The following FHIP1A variants were observed in gnomAD, a reference collection of about 807,000 sequenced individuals.
FHIP1A encodes FHF complex subunit HOOK-interacting protein 1A.
FHIP1A carries 61 observed loss-of-function variants against 88.6 expected under a neutral mutation model. The ratio of observed to expected loss-of-function variants is 0.69; its 90% confidence interval spans 0.56 to 0.85. The LOEUF (loss-of-function observed/expected upper bound fraction) is 0.85, where lower values mean the gene tolerates loss of function less well. Ranked by LOEUF, FHIP1A falls within the 40% of genes least tolerant of loss-of-function variation. The pLI, the probability that FHIP1A is intolerant of heterozygous loss-of-function variation, is 0.00. For missense variants in FHIP1A, 1,154 were observed against 1,273.5 expected, an observed-to-expected ratio of 0.91 and a Z score of 1.43; for synonymous variants, 478 against 496.0, an observed-to-expected ratio of 0.96 and a Z score of 0.48.
chr4:151,572,738 A>C (rs115892694), intron 4 of FHIP1A, among the ~76,000 whole-genome samples: 257 of 152,358 alleles, frequency 1.7e-3, no homozygotes, highest in African/African-American at 5.9e-3. Context: ...GGTTTTACAC[A>C]TATGACTTTC....
At chr4:151,604,747 G>T (rs1735005978) in intron 7 of FHIP1A, among the ~76,000 whole-genome samples, 1 of 151,862 alleles carries the variant, frequency 6.6e-6, no homozygotes. Context: ...TACTCAGGAG[G>T]CTGCAGCAGG....
chr4:151,626,135 T>A (rs1265162701), intron 7 of FHIP1A, among the ~76,000 whole-genome samples: 1 of 152,248 alleles, frequency 6.6e-6, no homozygotes, highest in Non-Finnish European at 1.5e-5. Context: ...TTCAACAAAA[T>A]ATGTATACAC....
At chr4:151,590,760 C>G (rs1048044595) in intron 7 of FHIP1A, among the ~76,000 whole-genome samples, 2 of 152,106 alleles carry the variant, frequency 1.3e-5, no homozygotes, top group African/African-American at 4.8e-5. Context: ...TGATCTAGCT[C>G]TTTACATATA....
intron 8 of FHIP1A, among the ~76,000 whole-genome samples, chr4:151,632,757 T>G (rs1736203808): frequency 6.6e-6 from 1 of 151,962 alleles, no homozygotes; most frequent in African/African-American, 2.4e-5. Context: ...CACAAGGGAA[T>G]TTAGAAAATA....
intron 3 of FHIP1A, among the ~76,000 whole-genome samples, chr4:151,562,902 A>G (rs1733230126): frequency 6.6e-6 from 1 of 152,156 alleles, no homozygotes; most frequent in African/African-American, 2.4e-5. Context: ...TGTGATTTAG[A>G]TGGCTAGAAT....
intron 2 of FHIP1A, among the ~76,000 whole-genome samples, chr4:151,477,734 A>T (rs1438999314): frequency 6.6e-6 from 1 of 152,152 alleles, no homozygotes; most frequent in Admixed American, 6.5e-5. Flanking sequence ...ATATGGAAAG[A>T]TGCTTAACTT....
intron 7 of FHIP1A, among the ~76,000 whole-genome samples, chr4:151,622,958 A>G (rs1418471064): frequency 6.6e-6 from 1 of 152,198 alleles, no homozygotes; most frequent in Non-Finnish European, 1.5e-5. Flanking sequence ...ATGAAGCTGT[A>G]GGGTACAAGT....
rs1485847170 is a variant in FHIP1A, at chr4:151,529,341, T to C, written c.-122-36797T>C. Among the ~76,000 whole-genome samples the C allele has an allele frequency of 3.3e-5, 5 of 152,192 alleles. No individual in the cohort carries two copies. The East Asian group carries it at 9.6e-4, about 29-fold the overall frequency. ...CTGTCATTCTGGGAGTCCGCCGTTA[T>C]TGTAGCCTGCTACTCTCTGAGTTGC... On this transcript the variant is annotated intron_variant, in intron 3 of 13. Coordinates refer to ENST00000435205, the MANE Select transcript of FHIP1A (RefSeq NM_001109977.3).
At position 151,587,399 on chromosome 4, in the gene FHIP1A, G is replaced by A. The variant is rs995638021; in HGVS notation, c.891+600G>A. Among the ~76,000 whole-genome samples the A allele has an allele frequency of 6.6e-5, 10 of 151,950 alleles. No homozygotes were observed. In the East Asian group the frequency reaches 1.9e-3, roughly 29 times the overall value. On this transcript the variant is annotated intron_variant, in intron 6 of 13. Coordinates refer to ENST00000435205, the MANE Select transcript of FHIP1A (RefSeq NM_001109977.3). ...GTTTTCAATAAAAATCAGATTTTAA[G>A]TATATTTAAGGATGTGGTAAGTTTT... is the stretch of plus-strand genomic sequence containing the variant.
At chr4:151,592,749 A>G (rs1734486958) in intron 7 of FHIP1A, among the ~76,000 whole-genome samples, 1 of 152,192 alleles carries the variant, frequency 6.6e-6, no homozygotes, top group South Asian at 2.1e-4. Context: ...TTTGCTGTGC[A>G]GAAGTTCTTT....
chr4:151,536,044 T>A (rs1732055715), intron 3 of FHIP1A, among the ~76,000 whole-genome samples: 1 of 152,200 alleles, frequency 6.6e-6, no homozygotes, highest in Non-Finnish European at 1.5e-5. Context: ...CTGGAAAGAG[T>A]GGGCCATTTT....
At chr4:151,488,177 T>C (rs1240698651) in intron 3 of FHIP1A, among the ~76,000 whole-genome samples, 2 of 152,222 alleles carry the variant, frequency 1.3e-5, no homozygotes, top group Admixed American at 6.5e-5. Context: ...CAGTCATCCA[T>C]TGTGGGCAAT....
chr4:151,446,570 T>G (rs1439151363), intron 1 of FHIP1A, among the ~76,000 whole-genome samples: 5 of 136,330 alleles, frequency 3.7e-5, no homozygotes, highest in East Asian at 4.1e-4. Context: ...TATGAATGTG[T>G]TGTTCTTTTT....
intron 1 of FHIP1A, among the ~76,000 whole-genome samples, chr4:151,413,341 C>T (rs530452562): frequency 6.8e-4 from 103 of 152,184 alleles, no homozygotes; most frequent in African/African-American, 2.4e-3. Context: ...GACCTTCTTT[C>T]GGAGAATGAA....
chr4:151,604,523 C>T (rs1017357215), intron 7 of FHIP1A, among the ~76,000 whole-genome samples: 1 of 152,122 alleles, frequency 6.6e-6, no homozygotes, highest in Non-Finnish European at 1.5e-5. Flanking sequence ...AAATCATATT[C>T]ATTACTTTCA....
At chr4:151,508,548 C>T (rs187140935) in intron 3 of FHIP1A, among the ~76,000 whole-genome samples, 334 of 152,304 alleles carry the variant, frequency 2.2e-3, no homozygotes, top group Middle Eastern at 0.01. Flanking sequence ...GCCTTCTTCT[C>T]GCCCTGTAGG....
intron 1 of FHIP1A, among the ~76,000 whole-genome samples, chr4:151,420,947 A>G (rs1424635709): frequency 6.6e-6 from 1 of 152,218 alleles, no homozygotes; most frequent in African/African-American, 2.4e-5. Context: ...TGAGGTTGTT[A>G]CTAGAAATGA....
chr4:151,451,349 T>C (rs1728780596), intron 1 of FHIP1A, among the ~76,000 whole-genome samples: 1 of 152,190 alleles, frequency 6.6e-6, no homozygotes, highest in Non-Finnish European at 1.5e-5. Context: ...TTCCTGGTGA[T>C]TGGATCATCT....
rs1373019269 is a variant in FHIP1A, at chr4:151,585,317, T to TTACA, written c.733-1323_733-1320dup. Among the ~76,000 whole-genome samples, 10 of 152,226 alleles carry TTACA rather than the reference T, an allele frequency of 6.6e-5. No individual in the cohort carries two copies. In the East Asian group the frequency reaches 1.9e-3, roughly 29 times the overall value. On this transcript the variant is annotated intron_variant, in intron 5 of 13. Transcript: ENST00000435205. Reference sequence around the variant, plus strand: ...GCCTCAGCTTCCTGAGTAGCTGGGATTACAGCCTTGTGCCACCACACCCAG... The same window carrying TTACA: ...GCCTCAGCTTCCTGAGTAGCTGGGATTACATACAGCCTTGTGCCACCACACCCAG...
Sources: gnomAD v4.1 joint callset for allele counts (sites outside exome capture counted in the v4.1 genomes callset) on GRCh38, gnomAD v4.1.1 for gene constraint, MANE v1.5 for transcripts, NCBI Gene and HGNC (gene_info 2026-07-23, HGNC 2026-07-21) for gene names.